MAPK14: variants seen among roughly 807,000 people sequenced by gnomAD.
MAPK14 encodes mitogen-activated protein kinase 14, also known as CSAID-binding protein.
In MAPK14, 16 loss-of-function variants were observed where a neutral mutation model predicts 49.6. The ratio of observed to expected loss-of-function variants is 0.32; its 90% CI spans 0.22 to 0.49. The LOEUF (loss-of-function observed/expected upper bound fraction) is 0.49, where lower values mean the gene tolerates loss of function less well. Ranked by LOEUF, MAPK14 falls within the 20% of genes least tolerant of loss-of-function variation. The probability of loss-of-function intolerance (pLI) is 0.99; values close to 1 mark genes in which losing one functional copy is unlikely to be tolerated. For synonymous variants in MAPK14, 142 were observed against 158.0 expected (o/e 0.90, Z 0.76); for missense variants, 200 against 441.2 (o/e 0.45, Z 4.90).
intron 6 of MAPK14, 99 bp from the exon 7 acceptor site, chr6:36,075,749 A>G: frequency 6.5e-7 from 1 of 1,532,720 alleles, no homozygotes; most frequent in Non-Finnish European, 8.9e-7. Context: ...CTCCTTTTTA[A>G]TAAGGCAACA....
chr6:36,054,007 T>TTTTTTTTTTTTTTTTTTTTTTTTTTG (rs1562112084), intron 2 of MAPK14, among the ~76,000 whole-genome samples: 18 of 151,864 alleles, frequency 1.2e-4, no homozygotes, highest in African/African-American at 4.1e-4. Flanking sequence ...ACCAGAGTTT[T>TTTTTTTTTTTTTTTTTTTTTTTTTTG]AAGAATGTTC....
chr6:36,055,834 ATT>A (rs1223091690), intron 2 of MAPK14, among the ~76,000 whole-genome samples: 1 of 151,866 alleles, frequency 6.6e-6, no homozygotes. Flanking sequence ...TTCCAGATCT[ATT>A]TTAATGCTGA....
At chr6:36,123,095 G>A in the MAPK14 span, among the ~76,000 whole-genome samples, 1 of 152,192 alleles carries the variant, frequency 6.6e-6, no homozygotes, top group Admixed American at 6.5e-5. Flanking sequence ...TGGAAAGAAG[G>A]AAGGGAGGGA....
chr6:36,062,909 C>T, intron 3 of MAPK14, among the ~76,000 whole-genome samples: 1 of 152,120 alleles, frequency 6.6e-6, no homozygotes. Flanking sequence ...CCACCCACCT[C>T]AGCCTCCCAA....
At chr6:36,047,797 A>G (rs1030428749) in intron 1 of MAPK14, among the ~76,000 whole-genome samples, 1 of 149,574 alleles carries the variant, frequency 6.7e-6, no homozygotes, top group Non-Finnish European at 1.5e-5. Flanking sequence ...GTGCAATGGC[A>G]TGATCTCAGC....
chr6:36,068,074 G>T (rs1207857127), intron 3 of MAPK14, among the ~76,000 whole-genome samples: 2 of 152,056 alleles, frequency 1.3e-5, no homozygotes, highest in Non-Finnish European at 2.9e-5. Context: ...AAGGGTGGGG[G>T]GAAGATGAAA....
chr6:36,077,680 G>C (rs1356944983), intron 8 of MAPK14, among the ~76,000 whole-genome samples: 1 of 152,056 alleles, frequency 6.6e-6, no homozygotes, highest in Non-Finnish European at 1.5e-5. Flanking sequence ...AGGTAAAGCT[G>C]TTTCTTTCTC....
At chr6:36,078,597 C>T (rs1479736369) in intron 8 of MAPK14, among the ~76,000 whole-genome samples, 2 of 152,132 alleles carry the variant, frequency 1.3e-5, no homozygotes, top group African/African-American at 4.8e-5. Flanking sequence ...CTTCTGTGAG[C>T]TTTAGATAAA....
intron 10 of MAPK14, among the ~76,000 whole-genome samples, chr6:36,104,430 C>T (rs1765738692): frequency 6.6e-6 from 1 of 152,020 alleles, no homozygotes; most frequent in Non-Finnish European, 1.5e-5. Context: ...CTCTGTCGTC[C>T]AGGTTGGAGT....
downstream of MAPK14, among the ~76,000 whole-genome samples, chr6:36,116,000 T>C (rs1766055022): frequency 6.6e-6 from 1 of 151,866 alleles, no homozygotes; most frequent in Admixed American, 6.6e-5. Context: ...TCCCAGCTAC[T>C]GAGGAGGCTG....
At chr6:36,041,356 A>G (rs918045194) in intron 1 of MAPK14, among the ~76,000 whole-genome samples, 2 of 149,824 alleles carry the variant, frequency 1.3e-5, no homozygotes, top group African/African-American at 4.9e-5. Context: ...CCATTCTTAA[A>G]TTTTCTTTTC....
At chr6:36,076,450 A>G (rs906600766) in intron 7 of MAPK14, 87 bp from the exon 8 acceptor site, 2 of 919,276 alleles carry the variant, frequency 2.2e-6, no homozygotes, top group Admixed American at 3.7e-5. Flanking sequence ...TAATTTGAAT[A>G]TTTCACCCCT....
At chr6:36,093,769 C>G (rs1765341787) in intron 8 of MAPK14, among the ~76,000 whole-genome samples, 1 of 147,548 alleles carries the variant, frequency 6.8e-6, no homozygotes, top group South Asian at 2.1e-4. Context: ...GTTAAGTAGT[C>G]AGAAAGAAGT....
At chr6:36,043,362 C>G (rs1763041197) in intron 1 of MAPK14, among the ~76,000 whole-genome samples, 1 of 152,094 alleles carries the variant, frequency 6.6e-6, no homozygotes, top group African/African-American at 2.4e-5. Context: ...TTCTATTTCA[C>G]TAGGTTTGAA....
chr6:36,080,802 A>C (rs1412195872), intron 8 of MAPK14, among the ~76,000 whole-genome samples: 2 of 151,450 alleles, frequency 1.3e-5, no homozygotes, highest in Non-Finnish European at 2.9e-5. Flanking sequence ...ACCATTTTAC[A>C]TGCCCACCAG....
Position 36,107,208 on chromosome 6 carries a change from T to G in MAPK14, c.842-247T>G, listed in dbSNP as rs1014747671. Reference sequence around the variant, plus strand: ...CGTGGTGAGACCCATGTAACAAATGTGCACATGTACCCCCAAATCAAAAAT... The same window carrying G: ...CGTGGTGAGACCCATGTAACAAATGGGCACATGTACCCCCAAATCAAAAAT... On this transcript the variant is annotated intron_variant, in intron 10 of 11. Coordinates refer to ENST00000229794, the MANE Select transcript of MAPK14 (RefSeq NM_139012.3). The surrounding 1 kb of genome is among the most constrained non-coding windows in gnomAD (Gnocchi z 4.3). Among the ~76,000 whole-genome samples, 1 of 152,044 alleles carries G rather than the reference T, an allele frequency of 6.6e-6. No homozygotes were observed. Among genetic ancestry groups the G allele is most frequent in the Non-Finnish European group, 1.5e-5 (1 of 68,016 alleles).
chr6:36,089,032 G>A (rs1161021760), intron 8 of MAPK14, among the ~76,000 whole-genome samples: 1 of 152,140 alleles, frequency 6.6e-6, no homozygotes, highest in Non-Finnish European at 1.5e-5. Context: ...AATAACATTT[G>A]ACCCAGCAAT....
At chr6:36,068,719 G>T (rs191350850) in intron 3 of MAPK14, among the ~76,000 whole-genome samples, 1 of 152,234 alleles carries the variant, frequency 6.6e-6, no homozygotes, top group Non-Finnish European at 1.5e-5. Flanking sequence ...AAAGTGGGAG[G>T]TGGGGAGGAA....
At chr6:36,069,668 A>T (rs73730442) in intron 3 of MAPK14, among the ~76,000 whole-genome samples, 1 of 152,054 alleles carries the variant, frequency 6.6e-6, no homozygotes, top group African/African-American at 2.4e-5. Context: ...TTTGAGAGAA[A>T]TTACATAGTG....
Sources: allele counts gnomAD v4.1 joint callset (sites outside exome capture counted in the v4.1 genomes callset), GRCh38; gene constraint gnomAD v4.1.1; non-coding constraint Gnocchi (gnomAD v3.1); transcripts MANE v1.5; gene names NCBI Gene and HGNC (gene_info 2026-07-23, HGNC 2026-07-21).